ESRRG: variants seen among roughly 807,000 people sequenced by gnomAD.
The protein encoded by ESRRG is estrogen related receptor gamma, also known as estrogen-related receptor gamma.
ESRRG carries 13 observed loss-of-function variants against 44.0 expected under a neutral mutation model. The ratio of observed to expected loss-of-function variants is 0.30; its 90% confidence interval spans 0.19 to 0.47. ESRRG has a LOEUF of 0.47. Ranked by LOEUF, ESRRG falls within the 20% of genes least tolerant of loss-of-function variation. The pLI, the probability that ESRRG is intolerant of heterozygous loss-of-function variation, is 1.00. For synonymous variants in ESRRG, 215 were observed against 214.6 expected (o/e 1.00, Z -0.02); for missense variants, 395 against 580.6 (o/e 0.68, Z 3.29).
intron 2 of ESRRG, among the ~76,000 whole-genome samples, chr1:216,651,973 A>G (rs935031667): frequency 1.3e-5 from 2 of 152,066 alleles, no homozygotes; most frequent in Non-Finnish European, 2.9e-5. Context: ...CTTTGTAAAG[A>G]AGCTGCCTTT....
intron 1 of ESRRG, among the ~76,000 whole-genome samples, chr1:216,704,221 C>G (rs1259601373): frequency 2.0e-5 from 3 of 152,062 alleles, no homozygotes; most frequent in Admixed American, 6.6e-5. Context: ...CCCTAAACAT[C>G]TAGTAAATTC....
intron 2 of ESRRG, among the ~76,000 whole-genome samples, chr1:216,796,262 A>T (rs921005562): frequency 6.6e-6 from 1 of 152,114 alleles, no homozygotes; most frequent in African/African-American, 2.4e-5. Context: ...GTACACCCTT[A>T]CCCCACTTCC....
intron 2 of ESRRG, among the ~76,000 whole-genome samples, chr1:216,860,767 T>C (rs2096038770): frequency 6.6e-6 from 1 of 152,100 alleles, no homozygotes; most frequent in African/African-American, 2.4e-5. Flanking sequence ...AAGAAAATGA[T>C]ACCAGATGGA....
chr1:216,542,415 T>C (rs979287963), intron 5 of ESRRG, among the ~76,000 whole-genome samples: 1 of 151,892 alleles, frequency 6.6e-6, no homozygotes, highest in African/African-American at 2.4e-5. Flanking sequence ...AACATCAACA[T>C]GTAATAATGA....
intron 1 of ESRRG, among the ~76,000 whole-genome samples, chr1:217,014,007 A>G (rs569655928): frequency 1.3e-5 from 2 of 152,188 alleles, no homozygotes; most frequent in South Asian, 4.1e-4. Flanking sequence ...CAATGCTCCA[A>G]AAGGAGTGAA....
At chr1:216,591,069 CT>C (rs915836436) in intron 3 of ESRRG, among the ~76,000 whole-genome samples, 5 of 152,114 alleles carry the variant, frequency 3.3e-5, no homozygotes, top group Non-Finnish European at 5.9e-5. Context: ...AGGAGAACCT[CT>C]TTTTTTCTAA....
intron 2 of ESRRG, among the ~76,000 whole-genome samples, chr1:216,827,702 G>A (rs2095421071): frequency 6.6e-6 from 1 of 152,084 alleles, no homozygotes; most frequent in Non-Finnish European, 1.5e-5. Flanking sequence ...GGTATGCAAT[G>A]GTGCATACAG....
chr1:217,093,776 C>T (rs1485225666), upstream of ESRRG, among the ~76,000 whole-genome samples: 1 of 150,454 alleles, frequency 6.6e-6, no homozygotes, highest in Admixed American at 6.6e-5. Flanking sequence ...GAGTGAGACC[C>T]CTGTCTCAAA....
At chr1:217,076,111 A>T (rs4846813) in intron 1 of ESRRG, among the ~76,000 whole-genome samples, 1 of 151,864 alleles carries the variant, frequency 6.6e-6, no homozygotes, top group South Asian at 2.1e-4. Flanking sequence ...TGTGGAAGGA[A>T]GTATGGCTCA....
intron 3 of ESRRG, among the ~76,000 whole-genome samples, chr1:216,584,177 A>G (rs2063319991): frequency 6.6e-6 from 1 of 152,048 alleles, no homozygotes; most frequent in African/African-American, 2.4e-5. Context: ...TAGGGCTTAT[A>G]AGATCTTTCT....
chr1:217,011,066 C>A (rs1422687198), intron 1 of ESRRG, among the ~76,000 whole-genome samples: 3 of 152,128 alleles, frequency 2.0e-5, no homozygotes, highest in African/African-American at 7.2e-5. Flanking sequence ...CCAAGGTTAC[C>A]ACCAAACGCC....
At chr1:216,686,660 C>T (rs770368374) in intron 1 of ESRRG, among the ~76,000 whole-genome samples, 1 of 151,964 alleles carries the variant, frequency 6.6e-6, no homozygotes, top group African/African-American at 2.4e-5. Flanking sequence ...GGGTTTCTGC[C>T]GCTTGCTTTT....
At chr1:217,009,702 C>CTTTTT (rs11325118) in intron 1 of ESRRG, among the ~76,000 whole-genome samples, 157 of 106,234 alleles carry the variant, frequency 1.5e-3, no homozygotes, top group South Asian at 1.8e-3. Flanking sequence ...TTTTCTTTTT[C>CTTTTT]TTTTTTTTTT....
intron 2 of ESRRG, among the ~76,000 whole-genome samples, chr1:216,875,592 C>T (rs139679370): frequency 0.01 from 1,553 of 152,186 alleles, 18 homozygotes; most frequent in Non-Finnish European, 0.017. Context: ...GGTTGATTTT[C>T]ATTGCCATAT....
chr1:216,970,154 C>T (rs967917286), intron 1 of ESRRG, among the ~76,000 whole-genome samples: 1 of 152,056 alleles, frequency 6.6e-6, no homozygotes, highest in African/African-American at 2.4e-5. Context: ...CAGAAAAATG[C>T]TAAGAATCAC....
intron 2 of ESRRG, among the ~76,000 whole-genome samples, chr1:216,748,779 G>A (rs1001766361): frequency 6.6e-5 from 10 of 152,090 alleles, no homozygotes; most frequent in African/African-American, 9.7e-5. Flanking sequence ...GGCAGACGAC[G>A]CACAGAAAGC....
At chr1:216,875,915 A>G (rs1044356946) in intron 2 of ESRRG, among the ~76,000 whole-genome samples, 20 of 152,128 alleles carry the variant, frequency 1.3e-4, no homozygotes, top group African/African-American at 4.8e-4. Flanking sequence ...GTATTTTTTA[A>G]GACACAAACA....
intron 1 of ESRRG, among the ~76,000 whole-genome samples, chr1:217,005,014 A>T (rs1192407405): frequency 6.6e-6 from 1 of 152,204 alleles, no homozygotes; most frequent in Non-Finnish European, 1.5e-5. Context: ...ATTAATAAAA[A>T]GCTATTTATT....
At chr1:216,744,863 A>G (rs1046451564) in intron 2 of ESRRG, among the ~76,000 whole-genome samples, 2 of 152,170 alleles carry the variant, frequency 1.3e-5, no homozygotes, top group African/African-American at 4.8e-5. Context: ...GGGCAGGCAT[A>G]TACATTTTTC....
Sources: allele counts gnomAD v4.1 joint callset (sites outside exome capture counted in the v4.1 genomes callset), GRCh38; gene constraint gnomAD v4.1.1; transcripts MANE v1.5; gene names NCBI Gene and HGNC (gene_info 2026-07-23, HGNC 2026-07-21).